The following ARHGAP6 variants were observed in gnomAD, a reference collection of about 807,000 sequenced individuals.
ARHGAP6 encodes the protein Rho GTPase activating protein 6.
Under a neutral mutation model 55.7 loss-of-function variants are expected in ARHGAP6, and 16 were observed. The observed-to-expected ratio is 0.29, with a 90% CI of 0.19 to 0.44. The LOEUF (loss-of-function observed/expected upper bound fraction) is 0.44, where lower values mean the gene tolerates loss of function less well. Ranked by LOEUF, ARHGAP6 falls within the 20% of genes least tolerant of loss-of-function variation. The pLI is 1.00. For missense variants in ARHGAP6, 698 were observed against 808.9 expected (o/e 0.86, Z 1.66); for synonymous variants, 382 against 360.9 (o/e 1.06, Z -0.66).
intron 1 of ARHGAP6, among the ~76,000 whole-genome samples, chrX:11,595,978 T>C (rs1243656378): frequency 8.9e-6 from 1 of 112,103 alleles, no homozygotes; most frequent in African/African-American, 3.2e-5. Context: ...TTGGTGGGAA[T>C]GTAAATTAGT....
At chrX:11,325,802 C>G (rs1475041315) in intron 1 of ARHGAP6, among the ~76,000 whole-genome samples, 1 of 112,243 alleles carries the variant, frequency 8.9e-6, no homozygotes, top group Non-Finnish European at 1.9e-5. Flanking sequence ...TGACTTCACA[C>G]CCAATAAGAC....
intron 8 of ARHGAP6, among the ~76,000 whole-genome samples, chrX:11,174,854 A>ATT (rs112840787): frequency 9.6e-6 from 1 of 104,277 alleles, no homozygotes; most frequent in African/African-American, 3.5e-5. Context: ...CGCCCGGCTA[A>ATT]TTTTTTTTGT....
chrX:11,332,065 T>C (rs1351395260), intron 1 of ARHGAP6, among the ~76,000 whole-genome samples: 2 of 111,940 alleles, frequency 1.8e-5, no homozygotes, highest in Admixed American at 9.5e-5. Flanking sequence ...AATCTATTCA[T>C]TTTCATTCTT....
intron 1 of ARHGAP6, among the ~76,000 whole-genome samples, chrX:11,317,359 C>T (rs955475714): frequency 8.9e-6 from 1 of 111,878 alleles, no homozygotes; most frequent in Admixed American, 9.5e-5. Context: ...AAATGTTTCC[C>T]GACTTTGCCA....
chrX:11,505,277 T>C (rs1277125985), intron 1 of ARHGAP6, among the ~76,000 whole-genome samples: 2 of 111,058 alleles, frequency 1.8e-5, no homozygotes, highest in African/African-American at 6.6e-5. Flanking sequence ...ATACTATTAT[T>C]GAGTGTTATA....
chrX:11,345,985 G>C (rs1308324724), intron 1 of ARHGAP6, among the ~76,000 whole-genome samples: 1 of 108,964 alleles, frequency 9.2e-6, no homozygotes, highest in Non-Finnish European at 1.9e-5. Flanking sequence ...TTTTTTAAGA[G>C]ATGAGGGTTT....
In ARHGAP6 at chrX:11,217,812, C is replaced by T. The variant is rs768577651; in HGVS notation, c.749-20816G>A. Reference sequence around the variant, plus strand: ...CATGCCTATGTCCTGAATGGTATTGCCTAGGTTTTCTTCTAGGGTTTTTAA... The same window carrying T: ...CATGCCTATGTCCTGAATGGTATTGTCTAGGTTTTCTTCTAGGGTTTTTAA... On this transcript the variant is annotated intron_variant, in intron 2 of 12. Coordinates refer to ENST00000337414, the MANE Select transcript of ARHGAP6 (RefSeq NM_013427.3). 3.6e-5 allele frequency among the ~76,000 whole-genome samples: 4 copies of T among 111,659 alleles called. No individual in the cohort carries two copies. In the East Asian group the frequency reaches 8.4e-4, roughly 23 times the overall value.
At chrX:11,320,091 T>C (rs763287110) in intron 1 of ARHGAP6, among the ~76,000 whole-genome samples, 2 of 112,284 alleles carry the variant, frequency 1.8e-5, no homozygotes, top group South Asian at 3.7e-4. Context: ...ATTACTCACA[T>C]TGGAGATGTG....
chrX:11,217,256 G>C (rs953890473), intron 2 of ARHGAP6, among the ~76,000 whole-genome samples: 2 of 111,681 alleles, frequency 1.8e-5, no homozygotes, highest in African/African-American at 6.5e-5. Flanking sequence ...GGGTCAAACG[G>C]TATTCTGATT....
At chrX:11,370,702 T>C (rs763463150) in intron 1 of ARHGAP6, among the ~76,000 whole-genome samples, 1 of 111,877 alleles carries the variant, frequency 8.9e-6, no homozygotes, top group Non-Finnish European at 1.9e-5. Context: ...ACTTATTCAT[T>C]GTACACTTGC....
At chrX:11,276,249 A>G (rs780106539) in intron 1 of ARHGAP6, among the ~76,000 whole-genome samples, 18 of 110,177 alleles carry the variant, frequency 1.6e-4, no homozygotes, top group South Asian at 3.9e-4. Flanking sequence ...TATTTTCTTG[A>G]CTCTTATTTA....
chrX:11,522,861 G>A (rs1603241553), intron 1 of ARHGAP6, among the ~76,000 whole-genome samples: 1 of 111,840 alleles, frequency 8.9e-6, no homozygotes, highest in South Asian at 3.8e-4. Context: ...TAGAAAAACA[G>A]GGAATCCTCC....
intron 2 of ARHGAP6, among the ~76,000 whole-genome samples, chrX:11,200,272 C>T (rs1229480565): frequency 8.9e-6 from 1 of 112,483 alleles, no homozygotes; most frequent in East Asian, 2.8e-4. Context: ...GGTAACATGT[C>T]CTGATAGAAT....
rs182706463 is a variant in ARHGAP6 at position 11,570,623 on chromosome X, C to A, written c.588+93618G>T. On this transcript the variant is annotated intron_variant, in intron 1 of 12. Coordinates refer to ENST00000337414, the MANE Select transcript of ARHGAP6 (RefSeq NM_013427.3). ...GAAACTGAGGCATGGGGAATCAGGG[C>A]AAGTAAGTGGTGGCTCTTAGACTTG... Among the ~76,000 whole-genome samples the A allele has an allele frequency of 7.0e-3, 773 of 110,880 alleles. 2 individuals carry two copies. The highest frequency in any genetic ancestry group is 0.011 in the Admixed American group (119 of 10,358).
At chrX:11,343,290 A>C (rs1330384388) in intron 1 of ARHGAP6, among the ~76,000 whole-genome samples, 1 of 112,406 alleles carries the variant, frequency 8.9e-6, no homozygotes, top group Non-Finnish European at 1.9e-5. Flanking sequence ...AGAGCTGTGC[A>C]TTCATAAAAC....
At chrX:11,198,248 G>T (rs191640408) in intron 2 of ARHGAP6, among the ~76,000 whole-genome samples, 1 of 111,850 alleles carries the variant, frequency 8.9e-6, no homozygotes, top group African/African-American at 3.2e-5. Context: ...GCCACCAAAA[G>T]AAAATAGTTC....
chrX:11,197,037 A>G (rs746996640), intron 2 of ARHGAP6, 41 bp from the exon 3 acceptor site: 4 of 683,324 alleles, frequency 5.9e-6, no homozygotes, highest in Non-Finnish European at 6.9e-6. Flanking sequence ...ATAAACATAT[A>G]AGTGATATTT....
At chrX:11,460,328 AAG>A (rs1464249822) in intron 1 of ARHGAP6, among the ~76,000 whole-genome samples, 1 of 111,449 alleles carries the variant, frequency 9.0e-6, no homozygotes, top group East Asian at 2.8e-4. Flanking sequence ...CTGCAATGGT[AAG>A]AAGCTAGATT....
chrX:11,447,665 T>C (rs780869073), intron 1 of ARHGAP6, among the ~76,000 whole-genome samples: 2 of 112,244 alleles, frequency 1.8e-5, no homozygotes, highest in African/African-American at 3.2e-5. Flanking sequence ...TCCAAGTGAA[T>C]ACTTTTACAC....
Sources: gnomAD v4.1 joint callset for allele counts (sites outside exome capture counted in the v4.1 genomes callset) on GRCh38, gnomAD v4.1.1 for gene constraint, MANE v1.5 for transcripts, NCBI Gene and HGNC (gene_info 2026-07-23, HGNC 2026-07-21) for gene names.